The following RICTOR variants were observed in gnomAD, a reference collection of about 807,000 sequenced individuals.
RICTOR encodes rapamycin-insensitive companion of mTOR.
A neutral mutation model predicts 214.9 loss-of-function variants in RICTOR; 49 were observed. The observed-to-expected ratio is 0.23, with a 90% CI of 0.18 to 0.29. The LOEUF is 0.29. RICTOR is among the 10% of genes least tolerant of loss of function. RICTOR has a pLI of 1.00. For missense variants in RICTOR, 1,625 were observed against 2,047.0 expected (o/e 0.79, Z 3.98); for synonymous variants, 717 against 711.3 (o/e 1.01, Z -0.13).
At chr5:38,952,523 C>A in intron 29 of RICTOR, 98 bp from the exon 30 acceptor site, 1 of 713,798 alleles carries the variant, frequency 1.4e-6, no homozygotes, top group Non-Finnish European at 2.2e-6. Flanking sequence ...TGAACTTTCT[C>A]TAAAACCCAC....
Position 38,978,664 on chromosome 5 carries a change from A to G in RICTOR, c.754-14T>C, listed in dbSNP as rs1447146963. On this transcript the variant is annotated splice_polypyrimidine_tract_variant and intron_variant, in intron 8 of 37. Transcript: ENST00000357387. ...TGCTAAAATTCTCTATTTAAAAAAA[A>G]AAAGGAAGAAAAGAGTCTTTATTTT... 4 of 1,294,376 alleles carry G rather than the reference A, an allele frequency of 3.1e-6. No individual in the cohort carries two copies. Among genetic ancestry groups the G allele is most frequent in the Non-Finnish European group, 4.4e-6 (4 of 913,668 alleles). The allele number at this position is 1,294,376 out of a possible 1,614,324, so 80.2% of individuals were successfully genotyped here. A position where few individuals can be genotyped will look rare whatever the true frequency, so the allele number is the denominator to read the frequency against.
chr5:39,016,176 C>A (rs1754924247), intron 3 of RICTOR, among the ~76,000 whole-genome samples: 1 of 151,722 alleles, frequency 6.6e-6, no homozygotes, highest in African/African-American at 2.4e-5. Context: ...TGCACCAAGG[C>A]CAGAGGGATA....
chr5:38,990,943 T>A lies in RICTOR; in HGVS notation c.583+6A>T, dbSNP rs372724201. 2.8e-5 allele frequency: 45 copies of A among 1,583,736 alleles called. No homozygotes were observed. Among genetic ancestry groups the A allele is most frequent in the Non-Finnish European group, 3.8e-5 (44 of 1,164,100 alleles). The stretch of plus-strand genomic sequence containing the variant: ...TACATTTTCATTACTTGAAGAAAAT[T>A]CTGACCTAGTTCACAGATAATGGCA... On this transcript the variant is annotated splice_donor_region_variant and intron_variant, in intron 7 of 37. Coordinates refer to ENST00000357387, the MANE Select transcript of RICTOR (RefSeq NM_152756.5).
chr5:39,018,288 C>T (rs1755120730), intron 3 of RICTOR, among the ~76,000 whole-genome samples: 1 of 152,038 alleles, frequency 6.6e-6, no homozygotes. Context: ...AATGGGGATA[C>T]AACATCAGGA....
chr5:38,943,478 T>TA (rs892319334), intron 36 of RICTOR, among the ~76,000 whole-genome samples: 9 of 151,982 alleles, frequency 5.9e-5, no homozygotes, highest in Admixed American at 5.9e-4. Flanking sequence ...GGGACCCTGA[T>TA]ACCTATGTGG....
intron 3 of RICTOR, among the ~76,000 whole-genome samples, chr5:39,007,450 T>C (rs1754168720): frequency 6.6e-6 from 1 of 152,158 alleles, no homozygotes; most frequent in Non-Finnish European, 1.5e-5. Flanking sequence ...TATCTCCAAA[T>C]ACAGTCACAT....
At chr5:39,036,515 G>C (rs548478345) in intron 2 of RICTOR, among the ~76,000 whole-genome samples, 1 of 152,138 alleles carries the variant, frequency 6.6e-6, no homozygotes, top group African/African-American at 2.4e-5. Flanking sequence ...AAAAGACACA[G>C]ACTGGCAAAT....
At chr5:38,989,640 C>T (rs1311933227) in intron 7 of RICTOR, among the ~76,000 whole-genome samples, 1 of 152,062 alleles carries the variant, frequency 6.6e-6, no homozygotes, top group East Asian at 1.9e-4. Flanking sequence ...CTACAAGGAA[C>T]TTAAACAAAT....
At position 38,970,720 on chromosome 5, in the gene RICTOR, C is replaced by G. The variant is rs1022378509; in HGVS notation, c.972+1157G>C. 13 of 152,126 alleles carry G rather than the reference C, an allele frequency of 8.5e-5. 1 individual carries two copies. Among genetic ancestry groups the G allele is most frequent in the African/African-American group, 2.9e-4 (12 of 41,436 alleles). The allele number at this position is 152,126 out of a possible 1,614,324, so 9.4% of individuals were successfully genotyped here. On this transcript the variant is annotated intron_variant, in intron 11 of 37. Transcript: ENST00000357387. ...GGAAAAAAATCACTTTAAGAATTCT[C>G]TTTTCCTTCAAATTCGATTTAACTG... is the stretch of plus-strand genomic sequence containing the variant.
intron 11 of RICTOR, among the ~76,000 whole-genome samples, chr5:38,969,157 G>A (rs967524590): frequency 2.6e-5 from 4 of 151,718 alleles, no homozygotes; most frequent in South Asian, 2.1e-4. Flanking sequence ...TTTCAGTAGC[G>A]ATGGGGGTTT....
At chr5:39,026,112 G>C (rs1289048912) in intron 2 of RICTOR, among the ~76,000 whole-genome samples, 1 of 152,150 alleles carries the variant, frequency 6.6e-6, no homozygotes, top group Non-Finnish European at 1.5e-5. Flanking sequence ...TACGTGAAAA[G>C]TATCAGGTCA....
At position 38,954,848 on chromosome 5, in the gene RICTOR, G is replaced by T. The variant is rs760330856; in HGVS notation, c.2623C>A (p.His875Asn). The T allele has an allele frequency of 6.3e-7, 1 of 1,581,278 alleles. No individual in the cohort carries two copies. Among genetic ancestry groups the T allele is most frequent in the Non-Finnish European group, 8.7e-7 (1 of 1,151,456 alleles). ...TAAAGGTGTATAGGCAGGTAGACGT[G>T]AGGACGCTGTAATCTAGTATAATAA... ...RRSNQRLQRP[H>N]VYLPIHLYGQ... The change falls in exon 27 of 38, where the codon CAC becomes AAC. Residue 875 changes from histidine (H) to asparagine (N), a missense_variant. By Grantham distance (68) the His-to-Asn change is moderately conservative. Transcript: ENST00000357387.
chr5:38,996,974 T>C (rs1753224856), intron 5 of RICTOR, 92 bp from the exon 6 acceptor site: 1 of 819,394 alleles, frequency 1.2e-6, no homozygotes, highest in South Asian at 1.4e-5. Context: ...ATTTTCACAA[T>C]GTCAATATGG....
intron 35 of RICTOR, 95 bp downstream of exon 35, chr5:38,944,816 GAC>G (rs1747995304): frequency 8.2e-7 from 1 of 1,226,534 alleles, no homozygotes; most frequent in Middle Eastern, 1.9e-4. Context: ...ACTGTTTTGA[GAC>G]AACTTTAATT....
rs537777464 is a variant in RICTOR, at chr5:39,008,953, TTGTTTA to T, written c.196-5337_196-5332del. On this transcript the variant is annotated intron_variant, in intron 3 of 37. Coordinates refer to ENST00000357387, the MANE Select transcript of RICTOR (RefSeq NM_152756.5). ...AATATAGAAAAATTAAGGTTAGAAT[TTGTTTA>T]TATCAACATACAAAATATTGTGCTT... is the stretch of plus-strand genomic sequence containing the variant. Among the ~76,000 whole-genome samples the T allele has an allele frequency of 3.0e-3, 455 of 152,118 alleles. 2 individuals carry two copies. Among genetic ancestry groups the T allele is most frequent in the Non-Finnish European group, 4.0e-3 (271 of 67,918 alleles).
intron 2 of RICTOR, among the ~76,000 whole-genome samples, chr5:39,039,337 A>G (rs912459884): frequency 6.6e-6 from 1 of 152,188 alleles, no homozygotes; most frequent in Admixed American, 6.5e-5. Context: ...AAAGACTTAA[A>G]TGTTAGACCT....
At chr5:39,010,345 T>C (rs938939929) in intron 3 of RICTOR, among the ~76,000 whole-genome samples, 1 of 152,188 alleles carries the variant, frequency 6.6e-6, no homozygotes, top group African/African-American at 2.4e-5. Context: ...TAAACCTCTT[T>C]CCTTTATAGA....
At chr5:39,019,434 C>T (rs1330693105) in intron 3 of RICTOR, among the ~76,000 whole-genome samples, 1 of 151,990 alleles carries the variant, frequency 6.6e-6, no homozygotes, top group African/African-American at 2.4e-5. Context: ...TAGATTGAAC[C>T]CAATGATCAT....
At chr5:39,049,701 CGCAGTCCAG>C (rs1757721477) in intron 2 of RICTOR, among the ~76,000 whole-genome samples, 1 of 149,874 alleles carries the variant, frequency 6.7e-6, no homozygotes, top group Admixed American at 6.6e-5. Context: ...AGGGAGGGAG[CGCAGTCCAG>C]GTAGAACTTC....
Sources: gnomAD v4.1 joint callset for allele counts (sites outside exome capture counted in the v4.1 genomes callset) on GRCh38, gnomAD v4.1.1 for gene constraint, MANE v1.5 for transcripts, NCBI Gene and HGNC (gene_info 2026-07-23, HGNC 2026-07-21) for gene names.